Variants in ZNF106 observed in about 807,000 individuals in gnomAD.
The protein encoded by ZNF106 is SH3-domain binding protein 3.
ZNF106 carries 67 observed loss-of-function variants against 195.1 expected under a neutral mutation model. That is an observed-to-expected ratio of 0.34 (90% CI 0.28 to 0.42). The LOEUF is 0.42. Ranked by LOEUF, ZNF106 falls within the 10% of genes least tolerant of loss-of-function variation. The pLI, the probability that ZNF106 is intolerant of heterozygous loss-of-function variation, is 1.00. For missense variants in ZNF106, 2,118 were observed against 2,304.5 expected, an observed-to-expected ratio of 0.92 and a Z score of 1.66; for synonymous variants, 784 against 818.6, an observed-to-expected ratio of 0.96 and a Z score of 0.72.
intron 1 of ZNF106, among the ~76,000 whole-genome samples, chr15:42,488,933 C>G (rs2057073743): frequency 6.6e-6 from 1 of 151,686 alleles, no homozygotes; most frequent in South Asian, 2.1e-4. Flanking sequence ...AAAACGTTAG[C>G]CAGGCATGGT....
At position 42,435,401 on chromosome 15, in the gene ZNF106, G is replaced by T. The variant is rs112069903; in HGVS notation, c.4864C>A (p.Arg1622Ser). Residue 1622 changes from arginine to serine, a missense_variant, in exon 14 of 22, where the codon CGC becomes AGC. Transcript: ENST00000564754. Reference sequence around the variant, plus strand: ...CCACCTACCTTAACATTATAGCAGCGGATGGTATGGTCACTGGACCCGGTG... The same window carrying T: ...CCACCTACCTTAACATTATAGCAGCTGATGGTATGGTCACTGGACCCGGTG... ...LYTGSSDHTI[R>S]CYNVKSRECV... 1 of 1,614,090 alleles carries T rather than the reference G, an allele frequency of 6.2e-7. No individual in the cohort carries two copies. Among genetic ancestry groups the T allele is most frequent in the Non-Finnish European group, 8.5e-7 (1 of 1,180,020 alleles).
chr15:42,463,968 T>C (rs1381787837), intron 3 of ZNF106, among the ~76,000 whole-genome samples: 2 of 152,174 alleles, frequency 1.3e-5, no homozygotes, highest in Non-Finnish European at 2.9e-5. Flanking sequence ...TAATAACACA[T>C]TAATTTGCCC....
intron 8 of ZNF106, 47 bp from the exon 9 acceptor site, chr15:42,444,309 G>A (rs375876146): frequency 1.1e-5 from 16 of 1,416,248 alleles, no homozygotes; most frequent in Non-Finnish European, 1.6e-5. Context: ...CAACTTGTAA[G>A]GTCCTCTAGG....
At chr15:42,437,451 T>A in intron 12 of ZNF106, 74 bp from the exon 13 acceptor site, 1 of 1,547,362 alleles carries the variant, frequency 6.5e-7, no homozygotes, top group Non-Finnish European at 8.7e-7. Flanking sequence ...AGAACTATTA[T>A]ACAATACAGT....
Position 42,417,237 on chromosome 15 carries a change from G to A in ZNF106, c.*67C>T. 1.3e-6 allele frequency: 2 copies of A among 1,545,484 alleles called. No individual in the cohort carries two copies. The highest frequency in any genetic ancestry group is 1.8e-6 in the Non-Finnish European group (2 of 1,119,276). On this transcript the variant is annotated 3_prime_UTR_variant, in exon 22 of 22. Transcript: ENST00000564754. ...CTTCACCAAGAAAGGGAAGAGAGTG[G>A]CCTGTGTGGGGGGCCAATGTGAAAA...
chr15:42,449,650 A>T, intron 5 of ZNF106, 121 bp downstream of exon 5: 1 of 1,329,286 alleles, frequency 7.5e-7, no homozygotes, highest in Non-Finnish European at 1.0e-6. Context: ...CAAGACATCT[A>T]CAACAGATAT....
chr15:42,432,676 T>C (rs1159911474), intron 14 of ZNF106, among the ~76,000 whole-genome samples: 1 of 133,942 alleles, frequency 7.5e-6, no homozygotes, highest in African/African-American at 2.8e-5. Flanking sequence ...AGCTTTAGAA[T>C]AGCCTAGGCA....
At chr15:42,438,185 G>A (rs780028382) in intron 12 of ZNF106, among the ~76,000 whole-genome samples, 2 of 152,036 alleles carry the variant, frequency 1.3e-5, no homozygotes, top group Non-Finnish European at 2.9e-5. Context: ...CCAGGAGTTC[G>A]AGACCAGCCT....
intron 2 of ZNF106, among the ~76,000 whole-genome samples, chr15:42,470,688 T>C (rs2056646543): frequency 6.6e-6 from 1 of 152,058 alleles, no homozygotes; most frequent in Admixed American, 6.6e-5. Flanking sequence ...AATCACAAAA[T>C]CATGGTATCA....
chr15:42,442,229 T>C lies in ZNF106; in HGVS notation c.3607A>G (p.Thr1203Ala). The change falls in exon 10 of 22, where the codon ACG becomes GCG. Residue 1203 changes from threonine (T) to alanine (A), a missense_variant. Coordinates refer to ENST00000564754, the MANE Select transcript of ZNF106 (RefSeq NM_001366845.3). The part of the protein sequence containing the change: ...SPTGASLQIT[T>A]SPTFQTHGSV... ...CCATGGGTTTGGAAAGTAGGAGACGTGGTTATTTGAAGAGAGGCTCCGGTG... is the reference window on the plus strand; with the variant it reads ...CCATGGGTTTGGAAAGTAGGAGACGCGGTTATTTGAAGAGAGGCTCCGGTG... 1.2e-6 allele frequency: 2 copies of C among 1,613,998 alleles called. No individual in the cohort carries two copies. Among genetic ancestry groups the C allele is most frequent in the South Asian group, 2.2e-5 (2 of 91,078 alleles).
At position 42,450,487 on chromosome 15, in the gene ZNF106, A is replaced by G; in HGVS notation, c.1785T>C (p.Ser595=). 1 of 1,613,878 alleles carries G rather than the reference A, an allele frequency of 6.2e-7. No homozygotes were observed. The highest frequency in any genetic ancestry group is 8.5e-7 in the Non-Finnish European group (1 of 1,179,974). ...ACTCAATTTTCAAAGACCCTTTTTC[A>G]GATTCTTCTACATTTCTACTTGCTT... ...YAKASRNVEE[S]EKGSLKIEFQ... The change falls in exon 5 of 22, where the codon TCT becomes TCC. Residue 595 remains serine, a synonymous_variant. Coordinates refer to ENST00000564754, the MANE Select transcript of ZNF106 (RefSeq NM_001366845.3).
At chr15:42,469,571 C>G (rs1046437534) in intron 2 of ZNF106, among the ~76,000 whole-genome samples, 3 of 152,090 alleles carry the variant, frequency 2.0e-5, no homozygotes, top group Non-Finnish European at 4.4e-5. Flanking sequence ...GACATGGTGG[C>G]TCACACCTGT....
chr15:42,461,039 T>C (rs185705869), intron 3 of ZNF106, among the ~76,000 whole-genome samples: 1 of 152,288 alleles, frequency 6.6e-6, no homozygotes, highest in East Asian at 1.9e-4. Context: ...TATGGTTACC[T>C]CCACACACAT....
chr15:42,467,003 C>T (rs576439570), intron 2 of ZNF106, among the ~76,000 whole-genome samples: 3 of 152,060 alleles, frequency 2.0e-5, no homozygotes, highest in Non-Finnish European at 4.4e-5. Context: ...CGTGGCAGTG[C>T]GTGCCTATAG....
intron 20 of ZNF106, among the ~76,000 whole-genome samples, chr15:42,420,192 A>G (rs546939900): frequency 6.6e-6 from 1 of 152,324 alleles, no homozygotes; most frequent in African/African-American, 2.4e-5. Flanking sequence ...AATTCCCAAA[A>G]TAAACAATTC....
At position 42,428,026 on chromosome 15, in the gene ZNF106, T is replaced by C. The variant is rs762282998; in HGVS notation, c.4990A>G (p.Asn1664Asp). The change falls in exon 15 of 22, where the codon AAC becomes GAC. Residue 1664 changes from asparagine to aspartate, a missense_variant. Physicochemically the swap from Asn to Asp is conservative, Grantham distance 23 (BLOSUM62 1). Transcript: ENST00000564754. ...CTCCTCCAACCACTAACCTTTATGT[T>C]GAAGGTGACCACAGTGCCATTTGCC... ...GLANGTVVTF[N>D]IKNNKRLEIF... The C allele has an allele frequency of 6.2e-7, 1 of 1,613,922 alleles. No individual in the cohort carries two copies. The highest frequency in any genetic ancestry group is 2.2e-5 in the East Asian group (1 of 44,880).
chr15:42,436,716 A>C (rs2055285735), intron 13 of ZNF106, among the ~76,000 whole-genome samples: 1 of 152,198 alleles, frequency 6.6e-6, no homozygotes, highest in African/African-American at 2.4e-5. Context: ...TGCTCTCCTT[A>C]ATAACTTGAA....
intron 4 of ZNF106, among the ~76,000 whole-genome samples, chr15:42,453,377 A>G (rs2056115493): frequency 1.3e-5 from 2 of 152,218 alleles, no homozygotes; most frequent in Non-Finnish European, 2.9e-5. Context: ...CCACAGAAAC[A>G]TGAATAAGCT....
chr15:42,438,079 G>A (rs994724515), intron 12 of ZNF106, among the ~76,000 whole-genome samples: 1 of 151,620 alleles, frequency 6.6e-6, no homozygotes, highest in East Asian at 2.0e-4. Context: ...GAACAGATAA[G>A]GGAGCCGGAT....
Sources: gnomAD v4.1 joint callset for allele counts (sites outside exome capture counted in the v4.1 genomes callset) on GRCh38, gnomAD v4.1.1 for gene constraint, MANE v1.5 for transcripts, NCBI Gene and HGNC (gene_info 2026-07-23, HGNC 2026-07-21) for gene names.